The following SYNE2 variants were observed in gnomAD, a reference collection of about 807,000 sequenced individuals.
SYNE2 encodes spectrin repeat containing nuclear envelope protein 2, also known as nesprin-2.
SYNE2 carries 431 observed loss-of-function variants against 856.3 expected under a neutral mutation model. That is an observed-to-expected ratio of 0.50 (90% CI 0.47 to 0.55). The LOEUF (loss-of-function observed/expected upper bound fraction) is 0.55. Ranked by LOEUF, SYNE2 falls within the 20% of genes least tolerant of loss-of-function variation. SYNE2 has a pLI of 0.00. For synonymous variants in SYNE2, 2,923 were observed against 2,872.3 expected, an observed-to-expected ratio of 1.02 and a Z score of -0.56; for missense variants, 8,129 against 8,023.2, an observed-to-expected ratio of 1.01 and a Z score of -0.50.
intron 41 of SYNE2, among the ~76,000 whole-genome samples, chr14:64,026,292 G>T (rs1273749498): frequency 6.6e-6 from 1 of 152,178 alleles, no homozygotes; most frequent in East Asian, 1.9e-4. Context: ...AAATAATAGA[G>T]TGGATAGGAA....
intron 70 of SYNE2, among the ~76,000 whole-genome samples, chr14:64,124,377 ATTTTTT>A (rs372149959): frequency 1.5e-5 from 2 of 130,102 alleles, no homozygotes; most frequent in African/African-American, 2.8e-5. Context: ...TTTTTGTATA[ATTTTTT>A]TTTTTTTTTT....
chr14:63,767,238 T>C (rs999193272), intron 1 of SYNE2, among the ~76,000 whole-genome samples: 1 of 151,838 alleles, frequency 6.6e-6, no homozygotes, highest in Non-Finnish European at 1.5e-5. Flanking sequence ...CCCAAGTAGC[T>C]GGGATTTCAG....
chr14:64,155,180 C>A (rs766306577), intron 85 of SYNE2, among the ~76,000 whole-genome samples: 12 of 152,200 alleles, frequency 7.9e-5, no homozygotes, highest in African/African-American at 1.7e-4. Context: ...ATATTCATAG[C>A]ATGATTCATG....
At chr14:64,183,531 T>C (rs1427453865) in intron 96 of SYNE2, among the ~76,000 whole-genome samples, 1 of 152,166 alleles carries the variant, frequency 6.6e-6, no homozygotes, top group Non-Finnish European at 1.5e-5. Context: ...GGGCAGAGGC[T>C]GCAGTCTCGG....
Position 64,003,348 on chromosome 14 carries a change from A to G in SYNE2, c.4397+18A>G. 1 of 1,613,866 alleles carries G rather than the reference A, an allele frequency of 6.2e-7. No homozygotes were observed. The highest frequency in any genetic ancestry group is 8.5e-7 in the Non-Finnish European group (1 of 1,179,968). ...AAACATCGGTAAGTATTGTCCATCC[A>G]TTTCCATCCAAGGTGACTGACATCT... On this transcript the variant is annotated intron_variant, in intron 30 of 115. Coordinates refer to ENST00000555002, the MANE Select transcript of SYNE2 (RefSeq NM_182914.3).
intron 10 of SYNE2, 43 bp downstream of exon 10, chr14:63,964,043 G>C: frequency 8.3e-7 from 1 of 1,211,542 alleles, no homozygotes; most frequent in South Asian, 1.3e-5. Flanking sequence ...TACCTTTTAA[G>C]AGTTGAGCGT....
intron 6 of SYNE2, among the ~76,000 whole-genome samples, chr14:63,948,284 A>G (rs1009423625): frequency 2.6e-5 from 4 of 152,090 alleles, no homozygotes; most frequent in African/African-American, 9.7e-5. Flanking sequence ...TGCATCTTTC[A>G]ATCTATGAGT....
At chr14:64,168,373 G>C (rs1376673493) in intron 92 of SYNE2, among the ~76,000 whole-genome samples, 1 of 152,150 alleles carries the variant, frequency 6.6e-6, no homozygotes, top group East Asian at 1.9e-4. Flanking sequence ...AAAGTGCTGG[G>C]ATTACAAAGG....
At position 64,141,360 on chromosome 14, in the gene SYNE2, A is replaced by G. The variant is rs765385792; in HGVS notation, c.14996A>G (p.Asp4999Gly). 1 of 1,613,298 alleles carries G rather than the reference A, an allele frequency of 6.2e-7. No individual in the cohort carries two copies. Among genetic ancestry groups the G allele is most frequent in the South Asian group, 1.1e-5 (1 of 90,668 alleles). The change falls in exon 81 of 116, where the codon GAT becomes GGT. Residue 4999 changes from aspartate (D) to glycine (G), a missense_variant. Physicochemically the swap from Asp to Gly is moderately conservative, Grantham distance 94. Transcript: ENST00000555002. ...NNFFEFSKEV[D>G]EKSSLKTAVI... ...CTTTAGGAGTTTTCAAAAGAAGTTG[A>G]TGAAAAATCCTCCTTGAAGACTGCC...
At chr14:63,987,499 A>G (rs2153480465) in intron 19 of SYNE2, among the ~76,000 whole-genome samples, 1 of 152,352 alleles carries the variant, frequency 6.6e-6, no homozygotes, top group Admixed American at 6.5e-5. Context: ...TGTAAAACCT[A>G]CAGAGCATAA....
chr14:63,828,120 C>T (rs184896657), intron 1 of SYNE2, among the ~76,000 whole-genome samples: 56 of 151,946 alleles, frequency 3.7e-4, no homozygotes, highest in African/African-American at 1.3e-3. Flanking sequence ...TTCCTTGAGC[C>T]CAGGAGGTTG....
At chr14:64,139,238 AC>A (rs146441738) in intron 79 of SYNE2, among the ~76,000 whole-genome samples, 10,488 of 151,536 alleles carry the variant, frequency 0.069, 1,082 homozygotes, top group African/African-American at 0.23. Flanking sequence ...CCACCTTGTT[AC>A]CCCAAAGTGC....
At chr14:63,897,231 C>CGACA (rs2095266888) in intron 1 of SYNE2, among the ~76,000 whole-genome samples, 1 of 151,924 alleles carries the variant, frequency 6.6e-6, no homozygotes, top group African/African-American at 2.4e-5. Flanking sequence ...CCAGCCTGGG[C>CGACA]GACAGAGTGA....
At chr14:64,208,559 TTG>T (rs2098621323) in intron 100 of SYNE2, among the ~76,000 whole-genome samples, 197 bp from the exon 101 acceptor site, 1 of 152,176 alleles carries the variant, frequency 6.6e-6, no homozygotes, top group Non-Finnish European at 1.5e-5. Context: ...TGTTTAAACT[TTG>T]TGTCAGGTGC....
chr14:63,929,776 A>G (rs1192370522), intron 2 of SYNE2, among the ~76,000 whole-genome samples: 3 of 151,990 alleles, frequency 2.0e-5, no homozygotes, highest in Non-Finnish European at 4.4e-5. Flanking sequence ...TCTCAAAAAA[A>G]AAAAAAAATT....
intron 1 of SYNE2, among the ~76,000 whole-genome samples, chr14:63,770,187 T>A (rs1320282679): frequency 1.3e-5 from 2 of 152,062 alleles, no homozygotes; most frequent in African/African-American, 4.8e-5. Flanking sequence ...TTGTACATAG[T>A]CATATGGAAA....
At chr14:64,005,510 T>C (rs1396812620) in intron 30 of SYNE2, among the ~76,000 whole-genome samples, 1 of 152,196 alleles carries the variant, frequency 6.6e-6, no homozygotes, top group Admixed American at 6.5e-5. Context: ...TTGGCTTTCA[T>C]TGTCCATTGT....
At chr14:63,928,689 T>A (rs2095704604) in intron 2 of SYNE2, among the ~76,000 whole-genome samples, 1 of 152,226 alleles carries the variant, frequency 6.6e-6, no homozygotes, top group Non-Finnish European at 1.5e-5. Context: ...TTCTGTTTGT[T>A]ATCTCCAAGA....
rs547469074 is a variant in SYNE2, at chr14:63,801,410, G to A, written c.-305+39424G>A. Among the ~76,000 whole-genome samples the A allele has an allele frequency of 5.3e-5, 8 of 152,286 alleles. No homozygotes were observed. The East Asian group carries it at 7.7e-4, about 15-fold the overall frequency. ...AGATAAACTGGGCGTGGTGGCTCAC[G>A]CCTGTAATCCCAGCACTTCAGAAGG... On this transcript the variant is annotated intron_variant, in intron 1 of 23. Coordinates refer to the SYNE2 transcript ENST00000674003.
Sources: allele counts gnomAD v4.1 joint callset (sites outside exome capture counted in the v4.1 genomes callset), GRCh38; gene constraint gnomAD v4.1.1; transcripts MANE v1.5; gene names NCBI Gene and HGNC (gene_info 2026-07-23, HGNC 2026-07-21).